The following NUBPL variants were observed in gnomAD, a reference collection of about 807,000 sequenced individuals.
NUBPL encodes the protein iron-sulfur cluster transfer protein NUBPL.
A neutral mutation model predicts 45.7 loss-of-function variants in NUBPL; 31 were observed. That is an observed-to-expected ratio of 0.68 (90% CI 0.51 to 0.92). NUBPL has a LOEUF of 0.92. Ranked by LOEUF, NUBPL falls within the 40% of genes least tolerant of loss-of-function variation. The pLI is 0.00. For missense variants in NUBPL, 401 were observed against 398.7 expected (o/e 1.01, Z -0.05); for synonymous variants, 144 against 140.9 (o/e 1.02, Z -0.15).
At chr14:31,760,181 G>GAGAGAGAGAGAGAGAGAGAGAA (rs2038775273) in intron 6 of NUBPL, among the ~76,000 whole-genome samples, 1 of 147,870 alleles carries the variant, frequency 6.8e-6, no homozygotes, top group Non-Finnish European at 1.5e-5. Context: ...GAGAGAGAGA[G>GAGAGAGAGAGAGAGAGAGAGAA]ACAGGGTGTC....
At chr14:31,829,430 A>C (rs1215823445) in intron 8 of NUBPL, among the ~76,000 whole-genome samples, 1 of 152,188 alleles carries the variant, frequency 6.6e-6, no homozygotes, top group Admixed American at 6.5e-5. Context: ...AGCTCTGTGA[A>C]CAGTTGGGCA....
At chr14:31,630,618 G>T (rs1016813236) in intron 4 of NUBPL, among the ~76,000 whole-genome samples, 1 of 152,010 alleles carries the variant, frequency 6.6e-6, no homozygotes, top group Non-Finnish European at 1.5e-5. Flanking sequence ...AGTTTCTGTC[G>T]TATGCATTTA....
intron 7 of NUBPL, among the ~76,000 whole-genome samples, chr14:31,800,306 C>A (rs556196220): frequency 6.6e-6 from 1 of 152,260 alleles, no homozygotes; most frequent in South Asian, 2.1e-4. Flanking sequence ...CCATGAATCA[C>A]AAATGTTATT....
intron 6 of NUBPL, among the ~76,000 whole-genome samples, chr14:31,737,787 A>G (rs1448436500): frequency 6.6e-6 from 1 of 152,222 alleles, no homozygotes; most frequent in African/African-American, 2.4e-5. Context: ...CTGTCTCATA[A>G]TAATAATAAA....
chr14:31,736,750 T>C (rs2038174289), intron 6 of NUBPL, among the ~76,000 whole-genome samples: 1 of 152,182 alleles, frequency 6.6e-6, no homozygotes, highest in Admixed American at 6.5e-5. Context: ...AGCTTAGGGA[T>C]ATGTTTAGTT....
chr14:31,700,669 G>T (rs557225612), intron 6 of NUBPL, among the ~76,000 whole-genome samples: 1 of 152,202 alleles, frequency 6.6e-6, no homozygotes, highest in Non-Finnish European at 1.5e-5. Context: ...GCCCCGGGCA[G>T]TGAGGGGCTT....
At chr14:31,744,697 C>T (rs1245124987) in intron 6 of NUBPL, among the ~76,000 whole-genome samples, 1 of 146,576 alleles carries the variant, frequency 6.8e-6, no homozygotes, top group Non-Finnish European at 1.5e-5. Context: ...TCTCGGCTCA[C>T]TGCAACCTCC....
At chr14:31,736,247 A>G (rs2139989107) in intron 6 of NUBPL, among the ~76,000 whole-genome samples, 1 of 152,312 alleles carries the variant, frequency 6.6e-6, no homozygotes, top group East Asian at 1.9e-4. Flanking sequence ...ACTTAAGAAA[A>G]CACTTTAATC....
intron 6 of NUBPL, among the ~76,000 whole-genome samples, chr14:31,709,759 C>T (rs2037529778): frequency 6.6e-6 from 1 of 152,190 alleles, no homozygotes; most frequent in African/African-American, 2.4e-5. Context: ...ATTCCCCTCC[C>T]CCTACAGCTT....
intron 6 of NUBPL, among the ~76,000 whole-genome samples, chr14:31,700,395 G>T (rs2037303709): frequency 6.6e-6 from 1 of 152,136 alleles, no homozygotes; most frequent in African/African-American, 2.4e-5. Context: ...CGTGCTGGCA[G>T]CCCTCGCTTG....
At chr14:31,580,574 A>T (rs2033835981) in intron 3 of NUBPL, among the ~76,000 whole-genome samples, 1 of 152,204 alleles carries the variant, frequency 6.6e-6, no homozygotes, top group Non-Finnish European at 1.5e-5. Flanking sequence ...TGATCACACC[A>T]CTGTGCTACA....
chr14:31,775,373 A>G (rs1221296727), intron 6 of NUBPL, among the ~76,000 whole-genome samples: 3 of 152,190 alleles, frequency 2.0e-5, no homozygotes, highest in African/African-American at 7.2e-5. Context: ...AGCCGAGATC[A>G]TGCCATTGCA....
intron 8 of NUBPL, among the ~76,000 whole-genome samples, chr14:31,834,424 C>T (rs1480249460): frequency 6.6e-6 from 1 of 152,056 alleles, no homozygotes; most frequent in African/African-American, 2.4e-5. Context: ...CATGATCTGC[C>T]CACCTTGGCC....
At chr14:31,585,500 T>C (rs752227755) in intron 3 of NUBPL, among the ~76,000 whole-genome samples, 2 of 152,234 alleles carry the variant, frequency 1.3e-5, no homozygotes, top group East Asian at 1.9e-4. Flanking sequence ...CTCATGCTGC[T>C]ATGAACATTT....
intron 8 of NUBPL, among the ~76,000 whole-genome samples, chr14:31,838,644 A>G (rs1055947926): frequency 5.9e-5 from 9 of 152,300 alleles, no homozygotes; most frequent in East Asian, 1.9e-4. Flanking sequence ...TCTTGGTAAC[A>G]TGGGCATACA....
intron 6 of NUBPL, among the ~76,000 whole-genome samples, chr14:31,756,142 C>T (rs1360983890): frequency 4.6e-5 from 7 of 152,022 alleles, no homozygotes; most frequent in Middle Eastern, 3.4e-3. Context: ...ATGATGCCTC[C>T]AGCTTTGTTC....
At chr14:31,772,018 C>CT in intron 6 of NUBPL, 1 of 289,898 alleles carries the variant, frequency 3.4e-6, no homozygotes, top group Non-Finnish European at 5.1e-6. Flanking sequence ...TCTTAGGGGG[C>CT]TTCAGAAAGC....
At chr14:31,838,822 C>T (rs1467824742) in intron 8 of NUBPL, among the ~76,000 whole-genome samples, 3 of 151,744 alleles carry the variant, frequency 2.0e-5, no homozygotes, top group African/African-American at 7.3e-5. Flanking sequence ...GTATTTTATC[C>T]TTATAAGACA....
intron 4 of NUBPL, among the ~76,000 whole-genome samples, chr14:31,626,515 G>A (rs1476601017): frequency 3.3e-5 from 5 of 152,164 alleles, no homozygotes; most frequent in Admixed American, 3.3e-4. Flanking sequence ...ATCTACTGCT[G>A]CTGCTTTGTA....
Sources: allele counts gnomAD v4.1 joint callset (sites outside exome capture counted in the v4.1 genomes callset), GRCh38; gene constraint gnomAD v4.1.1; transcripts MANE v1.5; gene names NCBI Gene and HGNC (gene_info 2026-07-23, HGNC 2026-07-21).